Variants in DCDC2C observed in about 807,000 individuals in gnomAD.
DCDC2C encodes the protein doublecortin domain containing 2C, also known as doublecortin domain-containing protein 2C.
DCDC2C carries 44 observed loss-of-function variants against 45.0 expected under a neutral mutation model. That is an observed-to-expected ratio of 0.98 (90% confidence interval 0.77 to 1.26). The LOEUF is 1.26. Ranked by LOEUF, DCDC2C falls within the 50% of genes most tolerant of loss-of-function variation. The pLI is 0.00. For missense variants in DCDC2C, 447 were observed against 468.9 expected, an observed-to-expected ratio of 0.95 and a Z score of 0.43; for synonymous variants, 187 against 178.8, an observed-to-expected ratio of 1.05 and a Z score of -0.37.
intron 4 of DCDC2C, 200 bp from the exon 5 acceptor site, chr2:3,752,563 A>G (rs1669572530): frequency 8.7e-6 from 6 of 689,442 alleles, no homozygotes; most frequent in Non-Finnish European, 1.6e-5. Context: ...AAAAAATCTA[A>G]AAGTGGAAAG....
At chr2:3,733,943 G>T (rs1020785026) in intron 3 of DCDC2C, among the ~76,000 whole-genome samples, 1 of 152,158 alleles carries the variant, frequency 6.6e-6, no homozygotes, top group Admixed American at 6.5e-5. Flanking sequence ...AAGCGGTGGG[G>T]GAAGAGGCTT....
At chr2:3,746,714 G>A (rs1207927341) in intron 4 of DCDC2C, among the ~76,000 whole-genome samples, 2 of 152,192 alleles carry the variant, frequency 1.3e-5, no homozygotes, top group African/African-American at 4.8e-5. Context: ...CAGCCTTGCT[G>A]GGAGATGGAT....
intron 2 of DCDC2C, among the ~76,000 whole-genome samples, 155 bp from the exon 3 acceptor site, chr2:3,726,848 C>A (rs1048370376): frequency 6.6e-6 from 1 of 152,128 alleles, no homozygotes; most frequent in African/African-American, 2.4e-5. Context: ...GTCTGCCTCT[C>A]TCTGCATCCT....
At chr2:3,747,655 G>A (rs558469594) in intron 4 of DCDC2C, among the ~76,000 whole-genome samples, 2 of 152,322 alleles carry the variant, frequency 1.3e-5, no homozygotes, top group South Asian at 2.1e-4. Flanking sequence ...CGCCCATCTC[G>A]CAGTAGAAGT....
At chr2:3,816,664 T>C (rs569905535) in intron 10 of DCDC2C, among the ~76,000 whole-genome samples, 25 of 152,272 alleles carry the variant, frequency 1.6e-4, no homozygotes, top group Non-Finnish European at 3.7e-4. Context: ...GGTGAAAGTA[T>C]TGGAGTGTGC....
Position 3,769,424 on chromosome 2 carries a change from G to C in DCDC2C, c.954+13G>C, listed in dbSNP as rs1332593891. The C allele has an allele frequency of 6.5e-7, 1 of 1,549,050 alleles. No homozygotes were observed. Among genetic ancestry groups the C allele is most frequent in the South Asian group, 1.2e-5 (1 of 84,028 alleles). ...GCCTGTGGACCAGGTGGGTGTCCGG[G>C]GTCCGATGTCCATGCCGTCTTCACT... On this transcript the variant is annotated intron_variant, in intron 8 of 10. Transcript: ENST00000399143.
intron 8 of DCDC2C, among the ~76,000 whole-genome samples, chr2:3,776,575 C>A (rs988628992): frequency 1.3e-5 from 2 of 152,194 alleles, no homozygotes; most frequent in Non-Finnish European, 2.9e-5. Context: ...TTCCCTCTGG[C>A]CGCTCGTTGT....
rs1025665883 is a variant in DCDC2C at position 3,761,711 on chromosome 2, T to C, written c.727-6043T>C. Among the ~76,000 whole-genome samples, 2 of 152,172 alleles carry C rather than the reference T, an allele frequency of 1.3e-5. No individual in the cohort carries two copies. Among genetic ancestry groups the C allele is most frequent in the African/African-American group, 2.4e-5 (1 of 41,442 alleles). ...GAAATGGGACATTCGCATGGGAACT[T>C]TTTGCTGTCAGCATTTGTCATTCCT... On this transcript the variant is annotated intron_variant, in intron 6 of 10. Coordinates refer to ENST00000399143, the MANE Select transcript of DCDC2C (RefSeq NM_001287444.2). The surrounding 1 kb of genome is among the most constrained non-coding windows in gnomAD (Gnocchi z 4.3).
intron 10 of DCDC2C, among the ~76,000 whole-genome samples, chr2:3,824,475 T>C (rs1671769169): frequency 6.6e-6 from 1 of 152,200 alleles, no homozygotes; most frequent in South Asian, 2.1e-4. Flanking sequence ...GAGACTGAGG[T>C]AAACAGTCTG....
rs370798900 is a variant in DCDC2C, at chr2:3,790,834, C to A, written c.1065+5734C>A. On this transcript the variant is annotated intron_variant, in intron 10 of 10. Coordinates refer to ENST00000399143, the MANE Select transcript of DCDC2C (RefSeq NM_001287444.2). ...GAAAATTATTTGGTTCTAGGCCGGG[C>A]GCGGTGGTTCATGCCTGTAATCCTA... Among the ~76,000 whole-genome samples, 5 of 152,074 alleles carry A rather than the reference C, an allele frequency of 3.3e-5. No homozygotes were observed. In the East Asian group the frequency reaches 9.6e-4, roughly 29 times the overall value.
chr2:3,720,703 G>T (rs1015459115), intron 2 of DCDC2C, among the ~76,000 whole-genome samples: 1 of 152,128 alleles, frequency 6.6e-6, no homozygotes, highest in Non-Finnish European at 1.5e-5. Context: ...TGAATTACAT[G>T]AATTGATTTT....
intron 10 of DCDC2C, among the ~76,000 whole-genome samples, chr2:3,827,388 T>A (rs1256658716): frequency 6.6e-6 from 1 of 151,744 alleles, no homozygotes. Flanking sequence ...CACAAGAGGG[T>A]CAGGTGGTTC....
chr2:3,790,892 A>G (rs548190008), intron 10 of DCDC2C, among the ~76,000 whole-genome samples: 4 of 152,270 alleles, frequency 2.6e-5, no homozygotes, highest in African/African-American at 9.6e-5. Flanking sequence ...ACAGATCACG[A>G]GGTCAGGAGA....
At chr2:3,821,326 C>G (rs751612534) in intron 10 of DCDC2C, among the ~76,000 whole-genome samples, 1 of 152,160 alleles carries the variant, frequency 6.6e-6, no homozygotes, top group Non-Finnish European at 1.5e-5. Context: ...TTAGCTTGGG[C>G]TCAGAGACCT....
At position 3,838,663 on chromosome 2, in the gene DCDC2C, C is replaced by T. The variant is rs141591919; in HGVS notation, c.1066-8491C>T. Among the ~76,000 whole-genome samples, 100 of 152,230 alleles carry T rather than the reference C, an allele frequency of 6.6e-4. No individual in the cohort carries two copies. The Middle Eastern group carries it at 0.014, about 21-fold the overall frequency. ...CTGGAGACAGTGGTGGGTGCAAGAA[C>T]GGCCCCTACCCACTTCCGTGGCTGG... is the stretch of plus-strand genomic sequence containing the variant. On this transcript the variant is annotated intron_variant, in intron 10 of 10. Transcript: ENST00000399143.
chr2:3,705,774 T>A (rs1371925353), intron 1 of DCDC2C, among the ~76,000 whole-genome samples: 2 of 152,180 alleles, frequency 1.3e-5, no homozygotes, highest in Non-Finnish European at 2.9e-5. Flanking sequence ...GTTTTGGACA[T>A]GTAGCAAAAA....
chr2:3,772,424 G>A (rs531177628), intron 8 of DCDC2C, among the ~76,000 whole-genome samples: 13 of 152,276 alleles, frequency 8.5e-5, no homozygotes, highest in African/African-American at 2.4e-4. Context: ...CTTTGACTCC[G>A]CAGCCCCCTT....
At chr2:3,793,591 G>A (rs1324980334) in intron 10 of DCDC2C, among the ~76,000 whole-genome samples, 1 of 152,220 alleles carries the variant, frequency 6.6e-6, no homozygotes, top group Non-Finnish European at 1.5e-5. Context: ...ATGAATGGAG[G>A]GGAAATGGAA....
intron 9 of DCDC2C, among the ~76,000 whole-genome samples, chr2:3,780,662 A>C (rs1341512895): frequency 6.6e-6 from 1 of 152,178 alleles, no homozygotes; most frequent in Non-Finnish European, 1.5e-5. Context: ...GAGCAAACGA[A>C]GGCATCCCGA....
Sources: gnomAD v4.1 joint callset for allele counts (sites outside exome capture counted in the v4.1 genomes callset) on GRCh38, gnomAD v4.1.1 for gene constraint, Gnocchi (gnomAD v3.1) non-coding constraint, MANE v1.5 for transcripts, NCBI Gene and HGNC (gene_info 2026-07-23, HGNC 2026-07-21) for gene names.